KLB: variants seen among roughly 807,000 people sequenced by gnomAD.
KLB encodes the protein klotho beta, also known as beta-klotho.
Under a neutral mutation model 88.4 loss-of-function variants are expected in KLB, and 44 were observed. That is an observed-to-expected ratio of 0.50 (90% CI 0.39 to 0.64). KLB has a LOEUF of 0.64. Among genes scored for constraint, KLB ranks in the 30% least tolerant of loss-of-function variants. The probability of loss-of-function intolerance (pLI) is 0.00; values close to 1 mark genes in which losing one functional copy is unlikely to be tolerated. For synonymous variants in KLB, 548 were observed against 513.4 expected, an observed-to-expected ratio of 1.07 and a Z score of -0.91; for missense variants, 1,137 against 1,304.8, an observed-to-expected ratio of 0.87 and a Z score of 1.98.
intron 1 of KLB, among the ~76,000 whole-genome samples, chr4:39,417,972 C>G (rs1304225365): frequency 6.6e-6 from 1 of 152,052 alleles, no homozygotes; most frequent in Non-Finnish European, 1.5e-5. Flanking sequence ...TGCCCCGCTT[C>G]AATGAAAAAA....
At chr4:39,431,306 C>G (rs1276142619) in intron 1 of KLB, among the ~76,000 whole-genome samples, 3 of 151,960 alleles carry the variant, frequency 2.0e-5, no homozygotes, top group Non-Finnish European at 4.4e-5. Context: ...TGCAATGTCA[C>G]GATCTCAGCT....
intron 4 of KLB, 145 bp downstream of exon 4, chr4:39,447,620 T>C (rs1743787336): frequency 1.6e-6 from 1 of 640,296 alleles, no homozygotes; most frequent in Non-Finnish European, 2.4e-6. Context: ...TCCTGAAAAC[T>C]GGCCTATGGG....
intron 1 of KLB, among the ~76,000 whole-genome samples, chr4:39,416,110 C>G (rs1232985424): frequency 7.1e-6 from 1 of 141,822 alleles, no homozygotes; most frequent in Non-Finnish European, 1.6e-5. Flanking sequence ...AGATTGCAGA[C>G]ACACACACAC....
At chr4:39,442,655 G>T (rs938923961) in intron 3 of KLB, among the ~76,000 whole-genome samples, 13 of 152,028 alleles carry the variant, frequency 8.6e-5, no homozygotes, top group African/African-American at 3.1e-4. Flanking sequence ...GGCTGCTCTC[G>T]AACTCCTGAC....
At chr4:39,430,593 A>ATTTTT (rs373054180) in intron 1 of KLB, among the ~76,000 whole-genome samples, 15 of 87,684 alleles carry the variant, frequency 1.7e-4, no homozygotes, top group African/African-American at 2.8e-4. Context: ...CTGAGAGGAA[A>ATTTTT]TTTTTTTTTT....
intron 1 of KLB, among the ~76,000 whole-genome samples, chr4:39,418,086 T>C (rs867565684): frequency 6.6e-6 from 1 of 152,222 alleles, no homozygotes; most frequent in Non-Finnish European, 1.5e-5. Context: ...TCTCTCTACA[T>C]GTTTAATTTG....
chr4:39,419,111 TA>T (rs989474898), intron 1 of KLB, among the ~76,000 whole-genome samples: 1 of 148,184 alleles, frequency 6.7e-6, no homozygotes. Flanking sequence ...AAGAATCGTG[TA>T]AAAAAAAAAC....
Position 39,450,924 on chromosome 4 carries a change from GCTTT to G in KLB, c.*2241_*2244del, listed in dbSNP as rs1245574352. Reference sequence around the variant, plus strand: ...ACCTGGAATTTATCTTTCAGGTTTTGCTTTCTCTTTCTCACTTTGTTTAAAGTAT... The same window carrying G: ...ACCTGGAATTTATCTTTCAGGTTTTGCTCTTTCTCACTTTGTTTAAAGTAT... On this transcript the variant is annotated 3_prime_UTR_variant, in exon 5 of 5. Transcript: ENST00000257408. 6 of 150,244 alleles carry G rather than the reference GCTTT, an allele frequency of 4.0e-5. No individual in the cohort carries two copies. The highest frequency in any genetic ancestry group is 7.3e-5 in the African/African-American group (3 of 40,886). 9.3% of individuals were successfully genotyped at this position (150,244 alleles called of 1,614,324 possible). A position where few individuals can be genotyped will look rare whatever the true frequency, so the allele number is the denominator to read the frequency against.
Position 39,424,546 on chromosome 4 carries a change from A to G in KLB, c.826-9664A>G, listed in dbSNP as rs908998878. Among the ~76,000 whole-genome samples the G allele has an allele frequency of 6.6e-5, 10 of 151,720 alleles. No individual in the cohort carries two copies. The Middle Eastern group carries it at 0.01, about 155-fold the overall frequency. ...GAAGCTAAAGCTTCATTAGGCTCAC[A>G]GTAAATCTGGCTTTGCTGCAGGCTC... On this transcript the variant is annotated intron_variant, in intron 1 of 4. Coordinates refer to ENST00000257408, the MANE Select transcript of KLB (RefSeq NM_175737.4).
rs1179818776 is a variant in KLB, at chr4:39,450,364, G to A, written c.*1678G>A. On this transcript the variant is annotated 3_prime_UTR_variant, in exon 5 of 5. Coordinates refer to ENST00000257408, the MANE Select transcript of KLB (RefSeq NM_175737.4). Reference sequence around the variant, plus strand: ...CTGTTACAAAGCCTTAGTAAATTAAGGCAGTTTTGATTATATTCTAGGTCC... The same window carrying A: ...CTGTTACAAAGCCTTAGTAAATTAAAGCAGTTTTGATTATATTCTAGGTCC... 6.6e-6 allele frequency: 1 copy of A among 152,190 alleles called. No homozygotes were observed. Among genetic ancestry groups the A allele is most frequent in the Admixed American group, 6.5e-5 (1 of 15,274 alleles). The allele number at this position is 152,190 out of a possible 1,614,324, so 9.4% of individuals were successfully genotyped here.
intron 1 of KLB, among the ~76,000 whole-genome samples, chr4:39,419,773 CAAAAA>C (rs35079093): frequency 8.4e-5 from 6 of 71,274 alleles, no homozygotes; most frequent in African/African-American, 2.1e-4. Context: ...AATTCCATCT[CAAAAA>C]AAAAAAAAAA....
At chr4:39,432,209 C>T in intron 1 of KLB, among the ~76,000 whole-genome samples, 1 of 152,110 alleles carries the variant, frequency 6.6e-6, no homozygotes, top group Admixed American at 6.5e-5. Context: ...ATCACTTGAA[C>T]CTGAGAGGTG....
At chr4:39,445,070 CTTTG>C (rs908419634) in intron 3 of KLB, among the ~76,000 whole-genome samples, 4 of 152,190 alleles carry the variant, frequency 2.6e-5, no homozygotes, top group South Asian at 2.1e-4. Context: ...TTCTTAAGGG[CTTTG>C]TTTTAGTTTG....
chr4:39,430,910 G>A (rs2109832643), intron 1 of KLB, among the ~76,000 whole-genome samples: 1 of 114,760 alleles, frequency 8.7e-6, no homozygotes, highest in South Asian at 3.3e-4. Context: ...GCTCCCGGTT[G>A]GAAAGTTTTT....
rs556487280 is a variant in KLB at position 39,409,016 on chromosome 4, C to A, written c.825+1242C>A. On this transcript the variant is annotated intron_variant, in intron 1 of 4. Coordinates refer to ENST00000257408, the MANE Select transcript of KLB (RefSeq NM_175737.4). Reference sequence around the variant, plus strand: ...GTACATACAAAAATATCTGCTATCACTTCTTTTCTTTTTGAACTTTTCTGG... The same window carrying A: ...GTACATACAAAAATATCTGCTATCAATTCTTTTCTTTTTGAACTTTTCTGG... Among the ~76,000 whole-genome samples, 600 of 150,730 alleles carry A rather than the reference C, an allele frequency of 4.0e-3. 5 individuals carry two copies. The highest frequency in any genetic ancestry group is 6.0e-3 in the Non-Finnish European group (407 of 67,584).
intron 1 of KLB, among the ~76,000 whole-genome samples, chr4:39,413,589 T>G (rs1742905123): frequency 6.6e-6 from 1 of 151,802 alleles, no homozygotes; most frequent in Non-Finnish European, 1.5e-5. Context: ...CTGAGAGTGG[T>G]GGCACATACC....
intron 3 of KLB, among the ~76,000 whole-genome samples, chr4:39,439,230 C>T (rs1260996644): frequency 2.0e-5 from 3 of 152,068 alleles, no homozygotes; most frequent in Non-Finnish European, 2.9e-5. Flanking sequence ...AGCTCCTGGG[C>T]TCAAACACAC....
At chr4:39,430,745 C>T (rs1743340072) in intron 1 of KLB, among the ~76,000 whole-genome samples, 1 of 151,204 alleles carries the variant, frequency 6.6e-6, no homozygotes. Flanking sequence ...GGACTACAGG[C>T]GCATGCCACC....
At chr4:39,422,302 G>A (rs1469608108) in intron 1 of KLB, among the ~76,000 whole-genome samples, 1 of 152,088 alleles carries the variant, frequency 6.6e-6, no homozygotes, top group Non-Finnish European at 1.5e-5. Flanking sequence ...GTGGGAGAGA[G>A]GGAGGTTCAG....
Sources: gnomAD v4.1 joint callset for allele counts (sites outside exome capture counted in the v4.1 genomes callset) on GRCh38, gnomAD v4.1.1 for gene constraint, MANE v1.5 for transcripts, NCBI Gene and HGNC (gene_info 2026-07-23, HGNC 2026-07-21) for gene names.